Variants in FREM3 observed in about 807,000 individuals in gnomAD.
FREM3 encodes FRAS1-related extracellular matrix protein 3.
In FREM3, 105 loss-of-function variants were observed where a neutral mutation model predicts 129.1. The observed-to-expected ratio is 0.81, with a 90% confidence interval of 0.69 to 0.96. The LOEUF (loss-of-function observed/expected upper bound fraction) is 0.96. Ranked by LOEUF, FREM3 falls within the 40% of genes least tolerant of loss-of-function variation. The pLI is 0.00. For synonymous variants in FREM3, 1,014 were observed against 1,044.9 expected (o/e 0.97, Z 0.57); for missense variants, 2,593 against 2,666.3 (o/e 0.97, Z 0.61).
intron 2 of FREM3, among the ~76,000 whole-genome samples, chr4:143,660,648 G>A (rs1739695087): frequency 6.6e-6 from 1 of 152,090 alleles, no homozygotes. Flanking sequence ...GATGGGCATG[G>A]CACTGAATCT....
At chr4:143,685,347 C>T (rs1366890987) in intron 2 of FREM3, among the ~76,000 whole-genome samples, 1 of 152,140 alleles carries the variant, frequency 6.6e-6, no homozygotes, top group Non-Finnish European at 1.5e-5. Flanking sequence ...CTATCTTCAG[C>T]CTCCTCAAAC....
chr4:143,678,547 T>A (rs1405172190), intron 2 of FREM3, among the ~76,000 whole-genome samples: 2 of 151,416 alleles, frequency 1.3e-5, no homozygotes, highest in African/African-American at 4.8e-5. Flanking sequence ...TAATAAAATA[T>A]ATATATATAT....
intron 5 of FREM3, among the ~76,000 whole-genome samples, chr4:143,616,359 G>A (rs1312538885): frequency 6.6e-6 from 1 of 152,088 alleles, no homozygotes; most frequent in East Asian, 1.9e-4. Flanking sequence ...CCCCCAAACC[G>A]TCTGAGATGC....
chr4:143,648,714 T>C (rs1041256901), intron 2 of FREM3, among the ~76,000 whole-genome samples: 2 of 152,238 alleles, frequency 1.3e-5, no homozygotes, highest in Non-Finnish European at 2.9e-5. Flanking sequence ...TGTGAATCAA[T>C]TAAACCTCTA....
At chr4:143,637,658 A>G (rs1330063232) in intron 2 of FREM3, among the ~76,000 whole-genome samples, 1 of 152,152 alleles carries the variant, frequency 6.6e-6, no homozygotes, top group Non-Finnish European at 1.5e-5. Context: ...ACAGGCTCAT[A>G]TCCATTCTCT....
chr4:143,654,064 G>T (rs1374972821), intron 2 of FREM3, among the ~76,000 whole-genome samples: 1 of 152,128 alleles, frequency 6.6e-6, no homozygotes, highest in Non-Finnish European at 1.5e-5. Context: ...TCTAAATCCA[G>T]TACAACAAAC....
At chr4:143,591,827 G>A (rs1333387084) in intron 6 of FREM3, among the ~76,000 whole-genome samples, 2 of 152,120 alleles carry the variant, frequency 1.3e-5, no homozygotes, top group African/African-American at 4.8e-5. Context: ...TCTGTCTAAT[G>A]TTGACAGTCG....
intron 2 of FREM3, among the ~76,000 whole-genome samples, chr4:143,692,131 C>T (rs1740483135): frequency 6.6e-6 from 1 of 152,018 alleles, no homozygotes; most frequent in South Asian, 2.1e-4. Context: ...GGTGAAAGCA[C>T]CTACTTTTTA....
intron 2 of FREM3, among the ~76,000 whole-genome samples, chr4:143,691,885 T>C (rs530537780): frequency 1.0e-3 from 155 of 152,274 alleles, no homozygotes; most frequent in African/African-American, 3.5e-3. Context: ...ATATAAAATA[T>C]TTGTCTTACA....
intron 2 of FREM3, among the ~76,000 whole-genome samples, chr4:143,669,107 T>C (rs1430138810): frequency 6.6e-6 from 1 of 152,182 alleles, no homozygotes; most frequent in Non-Finnish European, 1.5e-5. Flanking sequence ...TTTCATTCAG[T>C]TGTTTATGCT....
intron 7 of FREM3, among the ~76,000 whole-genome samples, chr4:143,579,944 G>A (rs891360502): frequency 8.5e-5 from 13 of 152,250 alleles, no homozygotes; most frequent in Non-Finnish European, 1.3e-4. Flanking sequence ...TAGCAGAGGC[G>A]TCATTACTTT....
chr4:143,699,460 G>C lies in FREM3; in HGVS notation c.1216C>G (p.Leu406Val). The C allele has an allele frequency of 1.3e-6, 2 of 1,537,300 alleles. No homozygotes were observed. Among genetic ancestry groups the C allele is most frequent in the Non-Finnish European group, 1.7e-6 (2 of 1,146,920 alleles). ...GCGCCGTCTCCGTCCACCACCTCCA[G>C]CTCCAGCTGAAAGAGGCGCTCCCCA... ...SHGERLFQLE[L>V]EVVDGDGAAS... The change falls in exon 1 of 8, where the codon CTG becomes GTG. Residue 406 changes from leucine (L) to valine (V), a missense_variant. Coordinates refer to ENST00000329798, the MANE Select transcript of FREM3 (RefSeq NM_001168235.2). The surrounding 1 kb of genome is among the most constrained non-coding windows in gnomAD (Gnocchi z 4.2).
At chr4:143,619,497 T>C (rs892728780) in intron 5 of FREM3, among the ~76,000 whole-genome samples, 1 of 152,188 alleles carries the variant, frequency 6.6e-6, no homozygotes, top group South Asian at 2.1e-4. Flanking sequence ...CTTCTCATAC[T>C]CATATCGTGT....
intron 2 of FREM3, among the ~76,000 whole-genome samples, chr4:143,663,150 C>A (rs1260752149): frequency 1.3e-5 from 2 of 152,024 alleles, no homozygotes; most frequent in Non-Finnish European, 2.9e-5. Flanking sequence ...TTATTTTGCT[C>A]GTTAGTTGAT....
intron 2 of FREM3, among the ~76,000 whole-genome samples, chr4:143,645,454 C>T (rs1283781810): frequency 2.0e-5 from 3 of 152,148 alleles, no homozygotes; most frequent in Non-Finnish European, 4.4e-5. Flanking sequence ...ATTTATAATT[C>T]GTTGACTTTA....
chr4:143,577,400 C>G lies in FREM3; in HGVS notation c.*211G>C. On this transcript the variant is annotated 3_prime_UTR_variant, in exon 8 of 8. Coordinates refer to ENST00000329798, the MANE Select transcript of FREM3 (RefSeq NM_001168235.2). The stretch of plus-strand genomic sequence containing the variant: ...AATAGAAAAAGAACATGAACACAGT[C>G]TAATTATTTGTGGGCTCAATGTTTT... 1 of 539,796 alleles carries G rather than the reference C, an allele frequency of 1.9e-6. No homozygotes were observed. The highest frequency in any genetic ancestry group is 3.2e-6 in the Non-Finnish European group (1 of 311,066). The allele number at this position is 539,796 out of a possible 1,614,324, so 33.4% of individuals were successfully genotyped here. A position where few individuals can be genotyped will look rare whatever the true frequency, so the allele number is the denominator to read the frequency against.
At chr4:143,654,534 C>T (rs1423559731) in intron 2 of FREM3, among the ~76,000 whole-genome samples, 1 of 152,160 alleles carries the variant, frequency 6.6e-6, no homozygotes, top group Non-Finnish European at 1.5e-5. Flanking sequence ...GGAAACAAGA[C>T]TCAGTAAAAA....
At chr4:143,635,373 G>A (rs548369086) in intron 2 of FREM3, among the ~76,000 whole-genome samples, 12 of 152,286 alleles carry the variant, frequency 7.9e-5, no homozygotes, top group Admixed American at 6.5e-5. Context: ...TTGTAGCTAC[G>A]TATGTAGTTA....
chr4:143,590,014 G>T lies in FREM3; in HGVS notation c.6029-4021C>A, dbSNP rs201672532. 5.9e-5 allele frequency among the ~76,000 whole-genome samples: 9 copies of T among 152,144 alleles called. No individual in the cohort carries two copies. The East Asian group carries it at 1.7e-3, about 29-fold the overall frequency. On this transcript the variant is annotated intron_variant, in intron 6 of 7. Transcript: ENST00000329798. Reference sequence around the variant, plus strand: ...TTGTCTTTGAAGCAATTGTGAACGGGAGTTCACTCATGATTTGGCTCTCTG... The same window carrying T: ...TTGTCTTTGAAGCAATTGTGAACGGTAGTTCACTCATGATTTGGCTCTCTG...
Sources: gnomAD v4.1 joint callset for allele counts (sites outside exome capture counted in the v4.1 genomes callset) on GRCh38, gnomAD v4.1.1 for gene constraint, Gnocchi (gnomAD v3.1) non-coding constraint, MANE v1.5 for transcripts, NCBI Gene and HGNC (gene_info 2026-07-23, HGNC 2026-07-21) for gene names.